Variants in ZDHHC23 observed in about 807,000 individuals in gnomAD.
The protein encoded by ZDHHC23 is zDHHC palmitoyltransferase 23.
A neutral mutation model predicts 40.2 loss-of-function variants in ZDHHC23; 41 were observed. The ratio of observed to expected loss-of-function variants is 1.02; its 90% confidence interval spans 0.79 to 1.32. ZDHHC23 has a LOEUF of 1.32. Ranked by LOEUF, ZDHHC23 falls within the 40% of genes most tolerant of loss-of-function variation. The pLI, the probability that ZDHHC23 is intolerant of heterozygous loss-of-function variation, is 0.00. For synonymous variants in ZDHHC23, 204 were observed against 210.2 expected (o/e 0.97, Z 0.26); for missense variants, 471 against 541.5 (o/e 0.87, Z 1.29).
chr3:113,958,849 C>T lies in ZDHHC23; in HGVS notation c.*219C>T, dbSNP rs894324932. ...AAAAGTAGAGCCATTCCTTTCCAGTCACCTTTTTAATTGACTCAGTTGCCT... is the reference window on the plus strand; with the variant it reads ...AAAAGTAGAGCCATTCCTTTCCAGTTACCTTTTTAATTGACTCAGTTGCCT... On this transcript the variant is annotated 3_prime_UTR_variant, in exon 5 of 5. Transcript: ENST00000638807. 8 of 1,366,572 alleles carry T rather than the reference C, an allele frequency of 5.9e-6. No individual in the cohort carries two copies. The African/African-American group carries it at 1.0e-4, about 17-fold the overall frequency. 84.7% of individuals were successfully genotyped at this position (1,366,572 alleles called of 1,614,324 possible). A position where few individuals can be genotyped will look rare whatever the true frequency, so the allele number is the denominator to read the frequency against.
intron 4 of ZDHHC23, chr3:113,957,511 T>C (rs1448376569): frequency 8.2e-6 from 3 of 366,024 alleles, no homozygotes; most frequent in Admixed American, 3.6e-5. Flanking sequence ...AAGCACAGCA[T>C]GTCTGTGCAC....
downstream of ZDHHC23, among the ~76,000 whole-genome samples, chr3:113,969,725 G>GTAC (rs373150796): frequency 4.8e-4 from 73 of 152,248 alleles, 1 homozygote; most frequent in African/African-American, 1.4e-3. Context: ...TTTTATGCCA[G>GTAC]TACCAAGCTG....
downstream of ZDHHC23, among the ~76,000 whole-genome samples, chr3:113,968,895 T>TA (rs1559864876): frequency 6.6e-6 from 1 of 152,064 alleles, no homozygotes; most frequent in Non-Finnish European, 1.5e-5. Context: ...GTAATTTATT[T>TA]AAAAAAAGAG....
At chr3:113,974,959 T>G in the ZDHHC23 span, among the ~76,000 whole-genome samples, 1 of 152,196 alleles carries the variant, frequency 6.6e-6, no homozygotes, top group African/African-American at 2.4e-5. Flanking sequence ...TTGGTAAATA[T>G]GTCTTGATAA....
At chr3:113,965,102 A>C (rs1939977164), downstream of ZDHHC23, 2 of 1,116,268 alleles carry the variant, frequency 1.8e-6, no homozygotes, top group Non-Finnish European at 2.6e-6. Context: ...GGTGGAGATA[A>C]CACACATACA....
chr3:113,975,317 G>T, the ZDHHC23 span, among the ~76,000 whole-genome samples: 2 of 152,174 alleles, frequency 1.3e-5, no homozygotes, highest in Non-Finnish European at 2.9e-5. Flanking sequence ...TCAGGCTTAA[G>T]ACCAATAGAT....
In ZDHHC23 at chr3:113,959,285, A is replaced by T; in HGVS notation, c.*655A>T. ...ACAGTTATGAGAATTTCTCCTTCTT[A>T]TTAGACATGAACTACTCAAACAGAG... On this transcript the variant is annotated 3_prime_UTR_variant, in exon 5 of 5. Coordinates refer to ENST00000638807, the MANE Select transcript of ZDHHC23 (RefSeq NM_001320466.2). 1 of 1,086,970 alleles carries T rather than the reference A, an allele frequency of 9.2e-7. No homozygotes were observed. Among genetic ancestry groups the T allele is most frequent in the Non-Finnish European group, 1.1e-6 (1 of 882,124 alleles). 67.3% of individuals were successfully genotyped at this position (1,086,970 alleles called of 1,614,324 possible). A position where few individuals can be genotyped will look rare whatever the true frequency, so the allele number is the denominator to read the frequency against.
Position 113,958,770 on chromosome 3 carries a change from A to AT in ZDHHC23, c.*140_*141insT, listed in dbSNP as rs1166874134. The AT allele has an allele frequency of 6.4e-7, 1 of 1,556,764 alleles. No individual in the cohort carries two copies. The highest frequency in any genetic ancestry group is 2.4e-5 in the East Asian group (1 of 41,680). Reference sequence around the variant, plus strand: ...GCTCAGGTTTAGAGACTGGAGTGGGAAGAAGTTAATTTTTCTGACGCCACA... The same window carrying AT: ...GCTCAGGTTTAGAGACTGGAGTGGGATAGAAGTTAATTTTTCTGACGCCACA... On this transcript the variant is annotated 3_prime_UTR_variant, in exon 5 of 5. Transcript: ENST00000638807.
chr3:113,956,682 A>C (rs1446244533), intron 4 of ZDHHC23, among the ~76,000 whole-genome samples, 176 bp downstream of exon 4: 1 of 152,190 alleles, frequency 6.6e-6, no homozygotes, highest in African/African-American at 2.4e-5. Flanking sequence ...TGTGTTTTTC[A>C]AGGGTGCTGT....
chr3:113,960,209 G>A lies in ZDHHC23; in HGVS notation c.*1579G>A, dbSNP rs934581672. On this transcript the variant is annotated 3_prime_UTR_variant, in exon 5 of 5. Transcript: ENST00000638807. ...ACTTCCACCCTCTGCAGCCAGCACC[G>A]TCCCTACTGTTGCCATTAATTGGAG... 23 of 993,546 alleles carry A rather than the reference G, an allele frequency of 2.3e-5. No homozygotes were observed. The African/African-American group carries it at 2.6e-4, about 11-fold the overall frequency. 61.5% of individuals were successfully genotyped at this position (993,546 alleles called of 1,614,324 possible).
chr3:113,972,423 TGTGGTCAG>T, the ZDHHC23 span, among the ~76,000 whole-genome samples: 2 of 152,284 alleles, frequency 1.3e-5, no homozygotes, highest in East Asian at 3.9e-4. Context: ...TTTATTCTAT[TGTGGTCAG>T]AATAGATACT....
At chr3:113,948,543 G>A (rs968875871) in intron 1 of ZDHHC23, 143 bp from the exon 2 acceptor site, 1 of 381,012 alleles carries the variant, frequency 2.6e-6, no homozygotes, top group Non-Finnish European at 4.8e-6. Flanking sequence ...CCCAGACGGC[G>A]CCTGCCCAGG....
chr3:113,975,120 T>C, the ZDHHC23 span, among the ~76,000 whole-genome samples: 3 of 152,038 alleles, frequency 2.0e-5, no homozygotes, highest in Admixed American at 6.6e-5. Context: ...GTGACTTTCA[T>C]TACTACCTAC....
the ZDHHC23 span, among the ~76,000 whole-genome samples, chr3:113,973,921 A>T: frequency 2.0e-5 from 3 of 149,850 alleles, no homozygotes; most frequent in Non-Finnish European, 4.4e-5. Flanking sequence ...TAATTTTTAG[A>T]TATGATCTTC....
chr3:113,949,682 A>G (rs986843110), intron 2 of ZDHHC23, among the ~76,000 whole-genome samples: 2 of 152,220 alleles, frequency 1.3e-5, no homozygotes, highest in African/African-American at 2.4e-5. Flanking sequence ...TGGAAGTCAT[A>G]ATGTGGGAAG....
chr3:113,971,581 G>A, the ZDHHC23 span, among the ~76,000 whole-genome samples: 4 of 152,080 alleles, frequency 2.6e-5, no homozygotes, highest in African/African-American at 9.7e-5. Context: ...TTGGTTTGCC[G>A]GTATTTGGTT....
intron 3 of ZDHHC23, 25 bp from the exon 4 acceptor site, chr3:113,956,314 T>C: frequency 6.3e-7 from 1 of 1,595,840 alleles, no homozygotes; most frequent in Non-Finnish European, 8.5e-7. Flanking sequence ...GTGTTTGCTT[T>C]TTTATTTCTC....
At chr3:113,966,216 TGAA>T (rs745932461), downstream of ZDHHC23, among the ~76,000 whole-genome samples, 17 of 152,150 alleles carry the variant, frequency 1.1e-4, no homozygotes, top group Non-Finnish European at 2.9e-5. Flanking sequence ...GAACCAGTCT[TGAA>T]TATCAGTTGA....
At chr3:113,952,821 T>C (rs1313129714) in intron 2 of ZDHHC23, among the ~76,000 whole-genome samples, 1 of 152,188 alleles carries the variant, frequency 6.6e-6, no homozygotes, top group African/African-American at 2.4e-5. Context: ...CCTCACATGG[T>C]GGAAGGAGCA....
Sources: gnomAD v4.1 joint callset for allele counts (sites outside exome capture counted in the v4.1 genomes callset) on GRCh38, gnomAD v4.1.1 for gene constraint, MANE v1.5 for transcripts, NCBI Gene and HGNC (gene_info 2026-07-23, HGNC 2026-07-21) for gene names.